NPC1: variants seen among roughly 807,000 people sequenced by gnomAD.
NPC1 encodes the protein Niemann-Pick C1 protein.
Under a neutral mutation model 140.4 loss-of-function variants are expected in NPC1, and 85 were observed. That is an observed-to-expected ratio of 0.61 (90% CI 0.51 to 0.72). The LOEUF (loss-of-function observed/expected upper bound fraction) is 0.72, where lower values mean the gene tolerates loss of function less well. Ranked by LOEUF, NPC1 falls within the 30% of genes least tolerant of loss-of-function variation. The probability of loss-of-function intolerance (pLI) is 0.00; values close to 1 mark genes in which losing one functional copy is unlikely to be tolerated. For missense variants in NPC1, 1,504 were observed against 1,623.8 expected (o/e 0.93, Z 1.27); for synonymous variants, 656 against 624.8 (o/e 1.05, Z -0.74).
rs928144296 is a variant in NPC1 at position 23,531,867 on chromosome 18, C to G, written c.*335G>C. The G allele has an allele frequency of 6.9e-7, 1 of 1,447,610 alleles. No homozygotes were observed. The highest frequency in any genetic ancestry group is 9.0e-7 in the Non-Finnish European group (1 of 1,108,120). 89.7% of individuals were successfully genotyped at this position (1,447,610 alleles called of 1,614,324 possible). On this transcript the variant is annotated 3_prime_UTR_variant, in exon 25 of 25. Transcript: ENST00000269228. ...GATGGCTTACTCCTAAAAGGAGAGA[C>G]AGACAGTGCATTGATTGGCCTTTAC...
At chr18:23,519,062 C>T (rs1412941012), downstream of NPC1, 12 of 1,613,614 alleles carry the variant, frequency 7.4e-6, no homozygotes, top group Middle Eastern at 1.6e-4. Flanking sequence ...TGCTTTCTAT[C>T]CTACAGAGAA....
At chr18:23,524,357 G>C, downstream of NPC1, 1 of 1,551,404 alleles carries the variant, frequency 6.4e-7, no homozygotes. Flanking sequence ...GGGCAGGGGC[G>C]AGTGCTAGCG....
chr18:23,580,924 T>G (rs185162515), intron 1 of NPC1, among the ~76,000 whole-genome samples: 33 of 152,382 alleles, frequency 2.2e-4, no homozygotes, highest in African/African-American at 7.9e-4. Context: ...AAGTGTTTTA[T>G]AGCCAACCTG....
At position 23,544,474 on chromosome 18, in the gene NPC1, G is replaced by C; in HGVS notation, c.2000C>G (p.Ser667Trp). The change falls in exon 13 of 25, where the codon TCG becomes TGG. Residue 667 changes from serine to tryptophan, a missense_variant. Coordinates refer to ENST00000269228, the MANE Select transcript of NPC1 (RefSeq NM_000271.5). Reference protein sequence around the residue: ...GIAGILIVLSSVACSLGVFSY... With the variant: ...GIAGILIVLSWVACSLGVFSY... ...GAAGACACCCAAGGAGCAAGCCACC[G>C]AGCTCAGCACGATCAAGATGCCCGC... The C allele has an allele frequency of 6.2e-7, 1 of 1,614,176 alleles. No homozygotes were observed. The highest frequency in any genetic ancestry group is 8.5e-7 in the Non-Finnish European group (1 of 1,180,034).
chr18:23,530,096 C>A, downstream of NPC1: 5 of 1,614,194 alleles, frequency 3.1e-6, no homozygotes, highest in Non-Finnish European at 4.2e-6. Context: ...TGCATCAGTT[C>A]CTGCAGTACC....
rs773448915 is a variant in NPC1, at chr18:23,532,227, T to G, written c.3812A>C (p.Glu1271Ala). The G allele has an allele frequency of 9.9e-6, 16 of 1,614,070 alleles. No homozygotes were observed. The African/African-American group carries it at 1.6e-4, about 16-fold the overall frequency. Residue 1271 changes from glutamate to alanine, a missense_variant, in exon 25 of 25, where the codon GAG (glutamate) becomes GCG (alanine). By Grantham distance (107) the Glu-to-Ala change is moderately radical. Coordinates refer to ENST00000269228, the MANE Select transcript of NPC1 (RefSeq NM_000271.5). ...CTAGAAATTTAGAAGCCGTTCGCGC[T>G]CTGTTCCTTTGTATCGCTCTTCAGT... is the stretch of plus-strand genomic sequence containing the variant. The part of the protein sequence containing the change: ...CATEERYKGT[E>A]RERLLNF
intron 1 of NPC1, among the ~76,000 whole-genome samples, chr18:23,581,136 C>T (rs919595890): frequency 3.9e-5 from 6 of 152,276 alleles, no homozygotes; most frequent in Middle Eastern, 3.4e-3. Context: ...CATTTAGGAG[C>T]CACAAAACTA....
At chr18:23,584,683 AC>A (rs2145597052) in intron 1 of NPC1, among the ~76,000 whole-genome samples, 1 of 152,218 alleles carries the variant, frequency 6.6e-6, no homozygotes, top group South Asian at 2.1e-4. Context: ...ACACGGTGAA[AC>A]CCCATCTCCA....
Position 23,560,264 on chromosome 18 carries a change from AAC to A in NPC1, c.846_847del (p.Phe284TrpfsTer23). ...CCACACTGCAAAAAATGCTCCAAAAAACACAAGCAAAAACGCCATGTAGGTGA... is the reference window on the plus strand; with the variant it reads ...CCACACTGCAAAAAATGCTCCAAAAAACAAGCAAAAACGCCATGTAGGTGA... On this transcript the variant is annotated frameshift_variant, in exon 6 of 25. Transcript: ENST00000269228. LOFTEE classifies it high-confidence loss of function. The A allele has an allele frequency of 1.2e-6, 2 of 1,614,200 alleles. No homozygotes were observed. The highest frequency in any genetic ancestry group is 1.7e-6 in the Non-Finnish European group (2 of 1,180,040).
rs549234845 is a variant in NPC1 at position 23,554,267 on chromosome 18, C to T, written c.1553+491G>A. ...TCATAGCACTAATCTCTAGCTGGCA[C>T]GATAGCACATGTTATGTGTTCATCA... On this transcript the variant is annotated intron_variant, in intron 9 of 24. Coordinates refer to ENST00000269228, the MANE Select transcript of NPC1 (RefSeq NM_000271.5). Among the ~76,000 whole-genome samples, 18 of 152,232 alleles carry T rather than the reference C, an allele frequency of 1.2e-4. No homozygotes were observed. In the East Asian group the frequency reaches 3.3e-3, roughly 28 times the overall value.
rs1057517077 is a variant in NPC1 at position 23,554,972 on chromosome 18, G to A, written c.1339C>T (p.Gln447Ter). 3.1e-6 allele frequency: 5 copies of A among 1,609,998 alleles called. No homozygotes were observed. The highest frequency in any genetic ancestry group is 4.3e-6 in the Non-Finnish European group (5 of 1,176,266). The change falls in exon 9 of 25, where the codon CAA becomes TAA. Residue 447 changes from glutamine (Q) to a stop codon, truncating the protein, a stop_gained. Coordinates refer to ENST00000269228, the MANE Select transcript of NPC1 (RefSeq NM_000271.5). LOFTEE classifies it high-confidence loss of function. Reference protein sequence around the residue: ...IQILHQVLDLQIAIENITASY... With the variant: ...IQILHQVLDL ...GCAGTAATGTTTTCGATGGCTATTT[G>A]TAAGTCAAGAACCTGAAAGAAGATT... is the stretch of plus-strand genomic sequence containing the variant.
At chr18:23,525,393 G>A (rs1219440994), downstream of NPC1, among the ~76,000 whole-genome samples, 4 of 151,610 alleles carry the variant, frequency 2.6e-5, no homozygotes, top group Admixed American at 6.6e-5. Flanking sequence ...GCCTACAGGC[G>A]CACATCACCA....
At chr18:23,538,953 C>T (rs770013543) in intron 19 of NPC1, 8 of 478,424 alleles carry the variant, frequency 1.7e-5, no homozygotes, top group Admixed American at 3.4e-5. Flanking sequence ...GGTCAGAGCC[C>T]GGGGCTTCTA....
At chr18:23,516,494 T>TA (rs2058008644) in intron 3 of NPC1, 1 of 1,508,786 alleles carries the variant, frequency 6.6e-7, no homozygotes, top group South Asian at 1.1e-5. Context: ...AGGAGTGTGT[T>TA]ACAAGCACCA....
intron 16 of NPC1, 53 bp downstream of exon 16, chr18:23,541,015 G>A: frequency 6.3e-7 from 1 of 1,595,540 alleles, no homozygotes; most frequent in Non-Finnish European, 8.6e-7. Context: ...TAGAAGGCAT[G>A]TGATAATCTG....
At chr18:23,556,093 C>T in intron 8 of NPC1, 150 bp downstream of exon 8, 1 of 709,540 alleles carries the variant, frequency 1.4e-6, no homozygotes, top group East Asian at 2.5e-5. Flanking sequence ...TGAAACCTAA[C>T]TTAAAGGCAG....
chr18:23,556,970 G>C, intron 7 of NPC1, 147 bp downstream of exon 7: 2 of 758,070 alleles, frequency 2.6e-6, no homozygotes, highest in Non-Finnish European at 4.6e-6. Context: ...GGCCACAAAG[G>C]CAAGGACCAT....
At chr18:23,570,647 T>C (rs1028958070) in intron 3 of NPC1, among the ~76,000 whole-genome samples, 5 of 152,230 alleles carry the variant, frequency 3.3e-5, no homozygotes, top group African/African-American at 9.6e-5. Context: ...CAAACATCTT[T>C]ATCAGTGTGC....
At chr18:23,555,395 T>A (rs972414352) in intron 8 of NPC1, among the ~76,000 whole-genome samples, 11 of 152,252 alleles carry the variant, frequency 7.2e-5, no homozygotes, top group African/African-American at 2.7e-4. Context: ...GCCATTTATA[T>A]ATGTCCCCTT....
Sources: allele counts gnomAD v4.1 joint callset (sites outside exome capture counted in the v4.1 genomes callset), GRCh38; gene constraint gnomAD v4.1.1; transcripts MANE v1.5; gene names NCBI Gene and HGNC (gene_info 2026-07-23, HGNC 2026-07-21).